The following GSG1L variants were observed in gnomAD, a reference collection of about 807,000 sequenced individuals.
GSG1L encodes the protein GSG1 like.
Under a neutral mutation model 42.1 loss-of-function variants are expected in GSG1L, and 24 were observed. The observed-to-expected ratio is 0.57, with a 90% CI of 0.41 to 0.80. GSG1L has a LOEUF of 0.80. Among genes scored for constraint, GSG1L ranks in the 30% least tolerant of loss-of-function variants. The probability of loss-of-function intolerance (pLI) is 0.00; values close to 1 mark genes in which losing one functional copy is unlikely to be tolerated. For synonymous variants in GSG1L, 215 were observed against 203.5 expected (o/e 1.06, Z -0.48); for missense variants, 445 against 472.2 (o/e 0.94, Z 0.53).
intron 3 of GSG1L, among the ~76,000 whole-genome samples, chr16:27,854,893 C>A (rs2140993731): frequency 6.6e-6 from 1 of 152,218 alleles, no homozygotes; most frequent in Middle Eastern, 3.4e-3. Context: ...GCGGGGAAAG[C>A]CACCCTTGGA....
rs113361055 is a variant in GSG1L, at chr16:28,040,134, C to A, written c.349+22942G>T. 0.012 allele frequency among the ~76,000 whole-genome samples: 1,779 copies of A among 152,282 alleles called. 44 individuals carry two copies. Among genetic ancestry groups the A allele is most frequent in the African/African-American group, 0.04 (1,663 of 41,546 alleles). On this transcript the variant is annotated intron_variant, in intron 1 of 6. Transcript: ENST00000447459. The surrounding 1 kb of genome is among the most constrained non-coding windows in gnomAD (Gnocchi z 4.1). ...CCCTTCTCCACACCCATCACCATGGCCCTAGCTGCCATCGTCTCCTTCATG... is the reference window on the plus strand; with the variant it reads ...CCCTTCTCCACACCCATCACCATGGACCTAGCTGCCATCGTCTCCTTCATG...
chr16:27,892,921 G>A (rs1197513010), intron 2 of GSG1L, among the ~76,000 whole-genome samples: 4 of 152,120 alleles, frequency 2.6e-5, no homozygotes, highest in African/African-American at 9.7e-5. Context: ...AATGCAGAAT[G>A]CCTGGCCTGT....
At chr16:27,963,311 A>G in intron 1 of GSG1L, 108 bp from the exon 2 acceptor site, 2 of 908,006 alleles carry the variant, frequency 2.2e-6, no homozygotes, top group Non-Finnish European at 3.6e-6. Context: ...TCTCTGACCC[A>G]AGCCCAGTGA....
rs2086089201 is a variant in GSG1L, at chr16:28,040,001, G to A, written c.349+23075C>T. The stretch of plus-strand genomic sequence containing the variant: ...TCTCAGTAAATGGCATCACCCACCA[G>A]CTTCTGGAGCCAAAACCCTAAGGGA... On this transcript the variant is annotated intron_variant, in intron 1 of 6. Coordinates refer to ENST00000447459, the MANE Select transcript of GSG1L (RefSeq NM_001109763.2). The surrounding 1 kb of genome is among the most constrained non-coding windows in gnomAD (Gnocchi z 4.1). Among the ~76,000 whole-genome samples, 1 of 152,042 alleles carries A rather than the reference G, an allele frequency of 6.6e-6. No homozygotes were observed. Among genetic ancestry groups the A allele is most frequent in the African/African-American group, 2.4e-5 (1 of 41,396 alleles).
At chr16:28,052,029 T>G (rs139754642) in intron 1 of GSG1L, among the ~76,000 whole-genome samples, 15 of 151,966 alleles carry the variant, frequency 9.9e-5, no homozygotes, top group Non-Finnish European at 7.4e-5. Flanking sequence ...TCTGGATGTG[T>G]TTGGGAAAAG....
At chr16:27,918,559 C>T (rs1049221873) in intron 2 of GSG1L, among the ~76,000 whole-genome samples, 17 of 150,802 alleles carry the variant, frequency 1.1e-4, no homozygotes, top group African/African-American at 1.5e-4. Context: ...CTCAGGAGGC[C>T]AAGGCAGGAG....
At chr16:27,923,383 C>A (rs919780873) in intron 2 of GSG1L, among the ~76,000 whole-genome samples, 1 of 152,158 alleles carries the variant, frequency 6.6e-6, no homozygotes, top group Admixed American at 6.5e-5. Context: ...CCTGGGGCAC[C>A]CACATGCTAA....
intron 2 of GSG1L, among the ~76,000 whole-genome samples, chr16:27,899,012 T>C (rs936617556): frequency 3.7e-4 from 57 of 152,132 alleles, no homozygotes; most frequent in Non-Finnish European, 7.1e-4. Flanking sequence ...GGGAACCAGC[T>C]CAGCGTGCAG....
At chr16:27,993,341 A>T (rs550038565) in intron 1 of GSG1L, among the ~76,000 whole-genome samples, 2 of 152,184 alleles carry the variant, frequency 1.3e-5, no homozygotes, top group East Asian at 3.9e-4. Flanking sequence ...GTAGAGACAG[A>T]GTTTCACCAT....
At position 27,932,387 on chromosome 16, in the gene GSG1L, G is replaced by T. The variant is rs148576842; in HGVS notation, c.397+30769C>A. On this transcript the variant is annotated intron_variant, in intron 2 of 6. Coordinates refer to ENST00000447459, the MANE Select transcript of GSG1L (RefSeq NM_001109763.2). ...GTTTCATTGGCTCACTGTTCTGCAG[G>T]CTGTACAGAAAGCATGATGCTGACA... 2.5e-4 allele frequency among the ~76,000 whole-genome samples: 38 copies of T among 152,216 alleles called. 1 individual carries two copies. Among genetic ancestry groups the T allele is most frequent in the Middle Eastern group, 3.4e-3 (1 of 294 alleles).
intron 3 of GSG1L, among the ~76,000 whole-genome samples, chr16:27,852,660 G>A (rs933473350): frequency 4.6e-5 from 7 of 152,182 alleles, no homozygotes; most frequent in Admixed American, 1.3e-4. Context: ...TGCTGCTGCA[G>A]GGATAAACGA....
chr16:27,953,550 A>G (rs1399208395), intron 2 of GSG1L, among the ~76,000 whole-genome samples: 1 of 152,184 alleles, frequency 6.6e-6, no homozygotes, highest in Non-Finnish European at 1.5e-5. Context: ...GGGCTGTGGC[A>G]GTGGAGATAG....
intron 1 of GSG1L, among the ~76,000 whole-genome samples, chr16:28,050,275 G>A (rs904744203): frequency 6.6e-6 from 1 of 152,110 alleles, no homozygotes; most frequent in Non-Finnish European, 1.5e-5. Context: ...GAAACTCCTG[G>A]GCTCAAGGGA....
At chr16:28,023,571 T>G (rs920067767) in intron 1 of GSG1L, among the ~76,000 whole-genome samples, 1 of 152,240 alleles carries the variant, frequency 6.6e-6, no homozygotes, top group Non-Finnish European at 1.5e-5. Context: ...CCACCAGCAT[T>G]GTGTGAAGAT....
intron 2 of GSG1L, among the ~76,000 whole-genome samples, chr16:27,919,419 T>A (rs1461699304): frequency 6.6e-6 from 1 of 152,194 alleles, no homozygotes; most frequent in East Asian, 1.9e-4. Context: ...TCTCTTTCTG[T>A]TCCTCAAAAC....
intron 3 of GSG1L, among the ~76,000 whole-genome samples, chr16:27,857,041 G>C (rs2083587672): frequency 6.6e-6 from 1 of 152,172 alleles, no homozygotes; most frequent in Non-Finnish European, 1.5e-5. Context: ...CCAGAGGAAG[G>C]GGTTGGCTCA....
chr16:27,985,903 A>G (rs1162082547), intron 1 of GSG1L, among the ~76,000 whole-genome samples: 1 of 152,124 alleles, frequency 6.6e-6, no homozygotes, highest in Non-Finnish European at 1.5e-5. Flanking sequence ...CTTGAGGAAC[A>G]CAGGAAAAGG....
At chr16:27,891,988 C>G in intron 2 of GSG1L, among the ~76,000 whole-genome samples, 1 of 150,342 alleles carries the variant, frequency 6.7e-6, no homozygotes, top group Admixed American at 6.7e-5. Context: ...CCCACCAGCA[C>G]CACCGGACTC....
intron 3 of GSG1L, among the ~76,000 whole-genome samples, chr16:27,867,618 C>T (rs1330705301): frequency 6.6e-6 from 1 of 152,240 alleles, no homozygotes; most frequent in African/African-American, 2.4e-5. Flanking sequence ...CTTTCCCCTA[C>T]GACAGGGCTT....
Sources: gnomAD v4.1 joint callset for allele counts (sites outside exome capture counted in the v4.1 genomes callset) on GRCh38, gnomAD v4.1.1 for gene constraint, Gnocchi (gnomAD v3.1) non-coding constraint, MANE v1.5 for transcripts, NCBI Gene and HGNC (gene_info 2026-07-23, HGNC 2026-07-21) for gene names.